FLG2: variants seen among roughly 807,000 people sequenced by gnomAD.
FLG2 encodes filaggrin-2.
Under a neutral mutation model 3.9 loss-of-function variants are expected in FLG2, and 7 were observed. The observed-to-expected ratio is 1.79, with a 90% confidence interval of 1.02 to 3.36. The LOEUF is 3.36. FLG2 is among the 30% of genes most tolerant of loss of function. The probability of loss-of-function intolerance (pLI) is 0.00; values close to 1 mark genes in which losing one functional copy is unlikely to be tolerated. For missense variants in FLG2, 2,700 were observed against 2,809.4 expected (o/e 0.96, Z 0.88); for synonymous variants, 1,031 against 1,056.1 (o/e 0.98, Z 0.46).
At position 152,351,644 on chromosome 1, in the gene FLG2, C is replaced by G; in HGVS notation, c.6142G>C (p.Gly2048Arg). Reference protein sequence around the residue: ...GHSGVSHTHSGHAHGQAGSQH... With the variant: ...GHSGVSHTHSRHAHGQAGSQH... Reference sequence around the variant, plus strand: ...GATCCGGCTTGGCCATGAGCGTGTCCTGAATGTGTGTGTGAGACCCCTGAG... The same window carrying G: ...GATCCGGCTTGGCCATGAGCGTGTCGTGAATGTGTGTGTGAGACCCCTGAG... Residue 2048 changes from glycine to arginine, a missense_variant, in exon 3 of 3, where the codon GGA becomes CGA. Transcript: ENST00000388718. 1 of 1,611,368 alleles carries G rather than the reference C, an allele frequency of 6.2e-7. No homozygotes were observed. The highest frequency in any genetic ancestry group is 8.5e-7 in the Non-Finnish European group (1 of 1,179,498).
chr1:152,349,235 C>T lies in FLG2; in HGVS notation c.*1375G>A. The stretch of plus-strand genomic sequence containing the variant: ...GATCTCGGCTCACTGCAACCTCTGC[C>T]TCCCGGGTTCAACCAATTCTCCTGC... On this transcript the variant is annotated 3_prime_UTR_variant, in exon 3 of 3. Coordinates refer to ENST00000388718, the MANE Select transcript of FLG2 (RefSeq NM_001014342.3). 6.6e-6 allele frequency: 1 copy of T among 152,150 alleles called. No individual in the cohort carries two copies. The highest frequency in any genetic ancestry group is 1.9e-4 in the East Asian group (1 of 5,182). The allele number at this position is 152,150 out of a possible 1,614,324, so 9.4% of individuals were successfully genotyped here.
intron 2 of FLG2, among the ~76,000 whole-genome samples, chr1:152,358,405 G>A (rs539448047): frequency 6.6e-6 from 1 of 152,060 alleles, no homozygotes; most frequent in Non-Finnish European, 1.5e-5. Flanking sequence ...TCCCTATGTA[G>A]ATGATTTCCC....
In FLG2 at chr1:152,351,174, G is replaced by A. The variant is rs143357607; in HGVS notation, c.6612C>T (p.Ala2204=). ...PTHSGHTHSQ[A]GSRHGQSGSS... is the part of the protein sequence containing the mutation. ...ATCCTGACTGTCCATGTCGAGATCC[G>A]GCTTGGCTGTGAGTGTGTCCTGAAT... is the stretch of plus-strand genomic sequence containing the variant. Residue 2204 remains alanine (A), a synonymous_variant, in exon 3 of 3, where the codon GCC becomes GCT. Coordinates refer to ENST00000388718, the MANE Select transcript of FLG2 (RefSeq NM_001014342.3). 3.7e-4 allele frequency: 602 copies of A among 1,612,810 alleles called. 2 individuals are homozygous for A. The highest frequency in any genetic ancestry group is 4.4e-4 in the Non-Finnish European group (516 of 1,179,730).
At position 152,352,493 on chromosome 1, in the gene FLG2, C is replaced by T. The variant is rs1367167007; in HGVS notation, c.5293G>A (p.Glu1765Lys). 6.2e-7 allele frequency: 1 copy of T among 1,612,136 alleles called. No individual in the cohort carries two copies. The highest frequency in any genetic ancestry group is 8.5e-7 in the Non-Finnish European group (1 of 1,179,370). The change falls in exon 3 of 3, where the codon GAG (glutamate) becomes AAG (lysine). Residue 1765 changes from glutamate (E) to lysine (K), a missense_variant. Coordinates refer to ENST00000388718, the MANE Select transcript of FLG2 (RefSeq NM_001014342.3). ...QHGESESIVH[E>K]RHGTIHGQTG... ...TGTCCATGTATAGTTCCATGTCTCTCATGAACTATGGATTCTGACTCTCCA... is the reference window on the plus strand; with the variant it reads ...TGTCCATGTATAGTTCCATGTCTCTTATGAACTATGGATTCTGACTCTCCA...
rs1654018702 is a variant in FLG2, at chr1:152,353,029, G to A, written c.4757C>T (p.Ser1586Leu). Residue 1586 changes from serine (S) to leucine (L), a missense_variant, in exon 3 of 3, where the codon TCA becomes TTA. Transcript: ENST00000388718. ...HSESTDSEVH[S>L]GGSHRPHSRE... ...TGAGTGTGGTCTGTGTGAGCCCCCTGAGTGCACTTCACTGTCAGTGGACTC... is the reference window on the plus strand; with the variant it reads ...TGAGTGTGGTCTGTGTGAGCCCCCTAAGTGCACTTCACTGTCAGTGGACTC... 1.2e-6 allele frequency: 2 copies of A among 1,613,362 alleles called. No individual in the cohort carries two copies. The highest frequency in any genetic ancestry group is 3.3e-5 in the Admixed American group (2 of 59,946).
In FLG2 at chr1:152,355,668, A is replaced by G. The variant is rs1480604714; in HGVS notation, c.2118T>C (p.Tyr706=). The change falls in exon 3 of 3, where the codon TAT becomes TAC. Residue 706 remains tyrosine, a synonymous_variant. Coordinates refer to ENST00000388718, the MANE Select transcript of FLG2 (RefSeq NM_001014342.3). ...GTCCTGAACTTGACCCATGTTGACC[A>G]TAGCCAGATGATTGACTTGAGCCAA... ...HGFGSSQSSG[Y]GQHGSSSGQT... is the part of the protein sequence containing the mutation. 1.2e-6 allele frequency: 2 copies of G among 1,613,946 alleles called. No individual in the cohort carries two copies. The highest frequency in any genetic ancestry group is 1.7e-6 in the Non-Finnish European group (2 of 1,179,996).
At position 152,350,572 on chromosome 1, in the gene FLG2, G is replaced by A. The variant is rs756808977; in HGVS notation, c.*38C>T. 80 of 1,571,968 alleles carry A rather than the reference G, an allele frequency of 5.1e-5. No homozygotes were observed. The highest frequency in any genetic ancestry group is 6.7e-5 in the Non-Finnish European group (78 of 1,161,152). On this transcript the variant is annotated 3_prime_UTR_variant, in exon 3 of 3. Transcript: ENST00000388718. ...ACTGTGTCTTCCTGTTCTTTTAGTT[G>A]CTTTGGATACTATAAGGTCAGAACT...
Position 152,350,266 on chromosome 1 carries a change from G to C in FLG2, c.*344C>G. 3.7e-6 allele frequency: 1 copy of C among 273,852 alleles called. No homozygotes were observed. Among genetic ancestry groups the C allele is most frequent in the Non-Finnish European group, 6.8e-6 (1 of 146,372 alleles). 17.0% of individuals were successfully genotyped at this position (273,852 alleles called of 1,614,324 possible). ...ATCTTCTGAATGCTTTTTGTTATCA[G>C]TATGGGATTCCTGTTTTCTGATTGA... On this transcript the variant is annotated 3_prime_UTR_variant, in exon 3 of 3. Coordinates refer to ENST00000388718, the MANE Select transcript of FLG2 (RefSeq NM_001014342.3).
At position 152,352,198 on chromosome 1, in the gene FLG2, C is replaced by T; in HGVS notation, c.5588G>A (p.Gly1863Glu). The change falls in exon 3 of 3, where the codon GGA becomes GAA. Residue 1863 changes from glycine (G) to glutamate (E), a missense_variant. Physicochemically the swap from Gly to Glu is moderately conservative, Grantham distance 98. Coordinates refer to ENST00000388718, the MANE Select transcript of FLG2 (RefSeq NM_001014342.3). Reference protein sequence around the residue: ...DTSGHSQSGHGQSTQSGSSTT... With the variant: ...DTSGHSQSGHEQSTQSGSSTT... ...ACTGGATCCTGACTGTGTGGACTGTCCATGACCAGATTGAGAATGTCCACT... is the reference window on the plus strand; with the variant it reads ...ACTGGATCCTGACTGTGTGGACTGTTCATGACCAGATTGAGAATGTCCACT... The T allele has an allele frequency of 6.2e-7, 1 of 1,613,950 alleles. No homozygotes were observed. Among genetic ancestry groups the T allele is most frequent in the South Asian group, 1.1e-5 (1 of 91,070 alleles).
rs1430131079 is a variant in FLG2 at position 152,357,559 on chromosome 1, A to G, written c.227T>C (p.Leu76Ser). The change falls in exon 3 of 3, where the codon TTG becomes TCG. Residue 76 changes from leucine (L) to serine (S), a missense_variant. Leu to Ser is a moderately radical substitution (Grantham distance 145). Transcript: ENST00000388718. ...DRRLDFTEFL[L>S]MIFKLTMACN... ...GGCCATAGTCAGCTTGAATATCATC[A>G]AAAGAAACTCAGTAAAGTCCAATCT... 2.5e-6 allele frequency: 4 copies of G among 1,614,038 alleles called. No homozygotes were observed. The South Asian group carries it at 3.3e-5, about 13-fold the overall frequency.
At position 152,357,510 on chromosome 1, in the gene FLG2, T is replaced by C; in HGVS notation, c.276A>G (p.Glu92=). The change falls in exon 3 of 3, where the codon GAA becomes GAG. Residue 92 remains glutamate (E), a synonymous_variant. Coordinates refer to ENST00000388718, the MANE Select transcript of FLG2 (RefSeq NM_001014342.3). ...TCTTTGACCCTGAAGCTTTGCAGTA[T>C]TCTTTGCTGAGGACCTTGTTGCAGG... The part of the protein sequence containing the change: ...TMACNKVLSK[E]YCKASGSKKH... 6.2e-7 allele frequency: 1 copy of C among 1,614,166 alleles called. No individual in the cohort carries two copies. The highest frequency in any genetic ancestry group is 8.5e-7 in the Non-Finnish European group (1 of 1,180,018).
rs78418747 is a variant in FLG2 at position 152,354,293 on chromosome 1, C to A, written c.3493G>T (p.Gly1165Cys). ...GAGCCAGACTCATGTTGGCCACAGC[C>A]AGATGATTGACTGGAGCCAGTACCA... The part of the protein sequence containing the change: ...QHGTGSSQSS[G>C]CGQHESGSGP... The change falls in exon 3 of 3, where the codon GGC becomes TGC. Residue 1165 changes from glycine (G) to cysteine (C), a missense_variant. Transcript: ENST00000388718. 1,850 of 1,614,160 alleles carry A rather than the reference C, an allele frequency of 1.1e-3. 24 individuals carry two copies. In the African/African-American group the frequency reaches 0.022, roughly 19 times the overall value.
In FLG2 at chr1:152,357,249, T is replaced by C; in HGVS notation, c.537A>G (p.Lys179=). The stretch of plus-strand genomic sequence containing the variant: ...GACCACAGCTGGACCTGTGGTATCT[T>C]TTCTGAGATCCCTCTTGGTTCCCAG... ...SSSGNQEGSQ[K]RYHRSSCGHS... is the part of the protein sequence containing the mutation. Residue 179 remains lysine (K), a synonymous_variant, in exon 3 of 3, where the codon AAA becomes AAG. Coordinates refer to ENST00000388718, the MANE Select transcript of FLG2 (RefSeq NM_001014342.3). 6.2e-7 allele frequency: 1 copy of C among 1,614,212 alleles called. No individual in the cohort carries two copies. Among genetic ancestry groups the C allele is most frequent in the Non-Finnish European group, 8.5e-7 (1 of 1,180,030 alleles).
Position 152,350,884 on chromosome 1 carries a change from G to A in FLG2, c.6902C>T (p.Thr2301Ile), listed in dbSNP as rs1324235687. The change falls in exon 3 of 3, where the codon ACA (threonine) becomes ATA (isoleucine). Residue 2301 changes from threonine (T) to isoleucine (I), a missense_variant. Transcript: ENST00000388718. ...ATGGCCATGTCTAGTGGTATCTCCT[G>A]TCTGTCCATGAGTAGTTTCCAGTCT... Reference protein sequence around the residue: ...HGRLETTHGQTGDTTRHGHSG... With the variant: ...HGRLETTHGQIGDTTRHGHSG... 6.2e-6 allele frequency: 10 copies of A among 1,613,966 alleles called. No individual in the cohort carries two copies. The highest frequency in any genetic ancestry group is 8.5e-7 in the Non-Finnish European group (1 of 1,180,024).
In FLG2 at chr1:152,352,574, A is replaced by G; in HGVS notation, c.5212T>C (p.Ser1738Pro). 6.2e-7 allele frequency: 1 copy of G among 1,613,318 alleles called. No individual in the cohort carries two copies. The highest frequency in any genetic ancestry group is 8.5e-7 in the Non-Finnish European group (1 of 1,179,836). Residue 1738 changes from serine (S) to proline (P), a missense_variant, in exon 3 of 3, where the codon TCA becomes CCA. Ser to Pro is a moderately conservative substitution (Grantham distance 74). Transcript: ENST00000388718. The stretch of plus-strand genomic sequence containing the variant: ...CCTGAATGTGTATGTGAGACTCCTG[A>G]GTACCCTTCACTGTCACTGTACTCA... ...HSEYSDSEGY[S>P]GVSHTHSGHT... is the part of the protein sequence containing the mutation.
At position 152,357,127 on chromosome 1, in the gene FLG2, C is replaced by T; in HGVS notation, c.659G>A (p.Gly220Glu). 1 of 1,614,144 alleles carries T rather than the reference C, an allele frequency of 6.2e-7. No individual in the cohort carries two copies. Among genetic ancestry groups the T allele is most frequent in the South Asian group, 1.1e-5 (1 of 91,072 alleles). Residue 220 changes from glycine (G) to glutamate (E), a missense_variant, in exon 3 of 3, where the codon GGG becomes GAG. Transcript: ENST00000388718. ...TCCAGATCCAGATTCATACTCCTCC[C>T]CAGATTCCCTAGAAGGGCTAATGTG... ...KSHISPSRES[G>E]EEYESGSGSN... is the part of the protein sequence containing the mutation.
At position 152,355,669 on chromosome 1, in the gene FLG2, T is replaced by C. The variant is rs1468869243; in HGVS notation, c.2117A>G (p.Tyr706Cys). 6.2e-7 allele frequency: 1 copy of C among 1,613,316 alleles called. No individual in the cohort carries two copies. Among genetic ancestry groups the C allele is most frequent in the Non-Finnish European group, 8.5e-7 (1 of 1,179,960 alleles). Residue 706 changes from tyrosine to cysteine, a missense_variant, in exon 3 of 3, where the codon TAT becomes TGT. Transcript: ENST00000388718. ...TCCTGAACTTGACCCATGTTGACCA[T>C]AGCCAGATGATTGACTTGAGCCAAA... ...HGFGSSQSSG[Y>C]GQHGSSSGQT... is the part of the protein sequence containing the mutation.
rs1653863052 is a variant in FLG2, at chr1:152,350,424, C to T, written c.*186G>A. The T allele has an allele frequency of 2.7e-6, 2 of 729,426 alleles. No homozygotes were observed. The highest frequency in any genetic ancestry group is 2.2e-6 in the Non-Finnish European group (1 of 459,992). 45.2% of individuals were successfully genotyped at this position (729,426 alleles called of 1,614,324 possible). On this transcript the variant is annotated 3_prime_UTR_variant, in exon 3 of 3. Coordinates refer to ENST00000388718, the MANE Select transcript of FLG2 (RefSeq NM_001014342.3). ...CAGGTTGAACATAGGTGTTGTTTGACTGTTTATGAGTTACTATAGAATGTC... is the reference window on the plus strand; with the variant it reads ...CAGGTTGAACATAGGTGTTGTTTGATTGTTTATGAGTTACTATAGAATGTC...
intron 2 of FLG2, 150 bp downstream of exon 2, chr1:152,358,597 G>T: frequency 2.9e-6 from 2 of 682,726 alleles, no homozygotes; most frequent in Non-Finnish European, 4.7e-6. Context: ...AATATCTGCT[G>T]CTTTAACAGA....
Sources: allele counts gnomAD v4.1 joint callset (sites outside exome capture counted in the v4.1 genomes callset), GRCh38; gene constraint gnomAD v4.1.1; transcripts MANE v1.5; gene names NCBI Gene and HGNC (gene_info 2026-07-23, HGNC 2026-07-21).